The following OR10G3 variants were observed in gnomAD, a reference collection of about 807,000 sequenced individuals.
OR10G3 encodes olfactory receptor 10G3.
In OR10G3, 8 loss-of-function variants were observed where a neutral mutation model predicts 13.4. The ratio of observed to expected loss-of-function variants is 0.60; its 90% confidence interval spans 0.35 to 1.08. OR10G3 has a LOEUF of 1.08. OR10G3 is among the 50% of genes least tolerant of loss of function. The pLI, the probability that OR10G3 is intolerant of heterozygous loss-of-function variation, is 0.02. For synonymous variants in OR10G3, 142 were observed against 156.1 expected (o/e 0.91, Z 0.67); for missense variants, 393 against 386.6 (o/e 1.02, Z -0.14).
intron 1 of OR10G3, among the ~76,000 whole-genome samples, chr14:21,577,185 A>AAGAG (rs111838316): frequency 1.2e-4 from 17 of 146,744 alleles, no homozygotes; most frequent in African/African-American, 2.7e-4. Flanking sequence ...TCAAAAATAA[A>AAGAG]AGAGAGAGAG....
intron 1 of OR10G3, among the ~76,000 whole-genome samples, chr14:21,572,069 ATCACCTGAGG>A (rs1893075151): frequency 1.3e-5 from 2 of 150,730 alleles, no homozygotes; most frequent in South Asian, 4.2e-4. Flanking sequence ...AGGAGGGTGG[ATCACCTGAGG>A]TCAGGAGTTC....
intron 1 of OR10G3, among the ~76,000 whole-genome samples, chr14:21,575,123 C>T (rs1893113247): frequency 6.6e-6 from 1 of 152,118 alleles, no homozygotes; most frequent in African/African-American, 2.4e-5. Context: ...GCTCTGTCGC[C>T]CAGGCTGGAG....
At chr14:21,576,418 T>G (rs1423363464) in intron 1 of OR10G3, among the ~76,000 whole-genome samples, 1 of 152,178 alleles carries the variant, frequency 6.6e-6, no homozygotes, top group African/African-American at 2.4e-5. Context: ...TGAAGCACAC[T>G]TAAGTTAGGT....
At chr14:21,576,939 TC>T (rs1893134040) in intron 1 of OR10G3, among the ~76,000 whole-genome samples, 1 of 152,196 alleles carries the variant, frequency 6.6e-6, no homozygotes, top group African/African-American at 2.4e-5. Flanking sequence ...CCCAGTTACC[TC>T]TTTTTGTTTT....
intron 1 of OR10G3, among the ~76,000 whole-genome samples, chr14:21,577,274 C>T (rs1335138801): frequency 4.6e-5 from 7 of 152,026 alleles, no homozygotes; most frequent in East Asian, 3.9e-4. Context: ...AACATGGCAC[C>T]GATGAAACCT....
rs753049103 is a variant in OR10G3, at chr14:21,570,071, G to A, written c.674C>T (p.Ala225Val). ...ILLSYIQIIQAILRIHTADGR... is the reference protein window; with the variant it reads ...ILLSYIQIIQVILRIHTADGR... ...ATCAGCTGTGTGGATTCTCAGGATG[G>A]CCTGAATGATCTGTATGTAGGAGAG... is the stretch of plus-strand genomic sequence containing the variant. The change falls in exon 2 of 2, where the codon GCC becomes GTC. Residue 225 changes from alanine to valine, a missense_variant. Coordinates refer to ENST00000641040, the MANE Select transcript of OR10G3 (RefSeq NM_001005465.2). 6.2e-7 allele frequency: 1 copy of A among 1,614,222 alleles called. No homozygotes were observed. The highest frequency in any genetic ancestry group is 8.5e-7 in the Non-Finnish European group (1 of 1,180,038).
At chr14:21,574,459 C>T (rs1893106567) in intron 1 of OR10G3, among the ~76,000 whole-genome samples, 1 of 152,138 alleles carries the variant, frequency 6.6e-6, no homozygotes, top group Non-Finnish European at 1.5e-5. Context: ...GGGCAGCATT[C>T]TGCCTTGCTT....
In OR10G3 at chr14:21,568,577, A is replaced by G. The variant is rs1893025785; in HGVS notation, c.*1226T>C. The G allele has an allele frequency of 6.6e-6, 1 of 152,174 alleles. No individual in the cohort carries two copies. Among genetic ancestry groups the G allele is most frequent in the Non-Finnish European group, 1.5e-5 (1 of 68,038 alleles). 9.4% of individuals were successfully genotyped at this position (152,174 alleles called of 1,614,324 possible). On this transcript the variant is annotated 3_prime_UTR_variant, in exon 2 of 2. Coordinates refer to ENST00000641040, the MANE Select transcript of OR10G3 (RefSeq NM_001005465.2). ...TGGAGTACAGGTGGTTTTTGGTTAC[A>G]TGGATAAGTTCTTTAGTGGTGATTT...
intron 1 of OR10G3, among the ~76,000 whole-genome samples, chr14:21,575,981 A>G (rs1162081463): frequency 6.6e-6 from 1 of 152,202 alleles, no homozygotes; most frequent in Non-Finnish European, 1.5e-5. Flanking sequence ...GACTTCAGAA[A>G]GTACAGAGGC....
chr14:21,570,073 C>T lies in OR10G3; in HGVS notation c.672G>A (p.Gln224=). Residue 224 remains glutamine, a synonymous_variant, in exon 2 of 2, where the codon CAG becomes CAA. Coordinates refer to ENST00000641040, the MANE Select transcript of OR10G3 (RefSeq NM_001005465.2). ...LILLSYIQII[Q]AILRIHTADG... ...CAGCTGTGTGGATTCTCAGGATGGC[C>T]TGAATGATCTGTATGTAGGAGAGGA... 1 of 1,614,196 alleles carries T rather than the reference C, an allele frequency of 6.2e-7. No individual in the cohort carries two copies. Among genetic ancestry groups the T allele is most frequent in the Non-Finnish European group, 8.5e-7 (1 of 1,180,048 alleles).
intron 1 of OR10G3, among the ~76,000 whole-genome samples, chr14:21,574,479 G>A (rs1893106733): frequency 6.6e-6 from 1 of 152,148 alleles, no homozygotes; most frequent in Admixed American, 6.6e-5. Flanking sequence ...TGGGTCAGGG[G>A]ACTGTGGAGA....
At chr14:21,570,876 A>C (rs1893061824) in intron 1 of OR10G3, 115 bp from the exon 2 acceptor site, 6 of 621,150 alleles carry the variant, frequency 9.7e-6, no homozygotes, top group Non-Finnish European at 1.7e-5. Context: ...CTTACGTGGA[A>C]AGATGACAAG....
At chr14:21,571,230 CCACTGGCT>C (rs1893065148) in intron 1 of OR10G3, among the ~76,000 whole-genome samples, 1 of 152,196 alleles carries the variant, frequency 6.6e-6, no homozygotes, top group Admixed American at 6.5e-5. Flanking sequence ...CTTCCAGAGG[CCACTGGCT>C]CACTCTTATC....
Position 21,569,750 on chromosome 14 carries a change from A to G in OR10G3, c.*53T>C. 1 of 1,458,084 alleles carries G rather than the reference A, an allele frequency of 6.9e-7. No homozygotes were observed. Among genetic ancestry groups the G allele is most frequent in the East Asian group, 2.3e-5 (1 of 43,970 alleles). 90.3% of individuals were successfully genotyped at this position (1,458,084 alleles called of 1,614,324 possible). On this transcript the variant is annotated 3_prime_UTR_variant, in exon 2 of 2. Coordinates refer to ENST00000641040, the MANE Select transcript of OR10G3 (RefSeq NM_001005465.2). ...AAAGAAAAAAGTTACCGAAGCCTAA[A>G]CATTATAATAAATTCTAATTGTGGC...
At position 21,568,575 on chromosome 14, in the gene OR10G3, AC is replaced by A. The variant is rs1893025743; in HGVS notation, c.*1227del. 6.6e-6 allele frequency: 1 copy of A among 152,200 alleles called. No individual in the cohort carries two copies. Among genetic ancestry groups the A allele is most frequent in the African/African-American group, 2.4e-5 (1 of 41,438 alleles). 9.4% of individuals were successfully genotyped at this position (152,200 alleles called of 1,614,324 possible). On this transcript the variant is annotated 3_prime_UTR_variant, in exon 2 of 2. Transcript: ENST00000641040. ...TTTGGAGTACAGGTGGTTTTTGGTT[AC>A]ATGGATAAGTTCTTTAGTGGTGATT...
intron 1 of OR10G3, among the ~76,000 whole-genome samples, chr14:21,573,805 C>T (rs1268046444): frequency 6.6e-6 from 1 of 151,872 alleles, no homozygotes; most frequent in African/African-American, 2.4e-5. Context: ...AGTGTTCTTA[C>T]TACAAAAAAA....
At chr14:21,577,700 G>A (rs984967229) in intron 1 of OR10G3, among the ~76,000 whole-genome samples, 1 of 152,210 alleles carries the variant, frequency 6.6e-6, no homozygotes, top group Non-Finnish European at 1.5e-5. Context: ...CTATCACACT[G>A]AGTGTTTCTT....
Position 21,570,061 on chromosome 14 carries a change from T to C in OR10G3, c.684A>G (p.Arg228=), listed in dbSNP as rs1384005764. Residue 228 remains arginine, a synonymous_variant, in exon 2 of 2, where the codon AGA becomes AGG. Transcript: ENST00000641040. The stretch of plus-strand genomic sequence containing the variant: ...GGCGCCGCCCATCAGCTGTGTGGAT[T>C]CTCAGGATGGCCTGAATGATCTGTA... ...SYIQIIQAIL[R]IHTADGRRRA... The C allele has an allele frequency of 1.9e-6, 3 of 1,614,050 alleles. No individual in the cohort carries two copies. The highest frequency in any genetic ancestry group is 2.5e-6 in the Non-Finnish European group (3 of 1,180,032).
chr14:21,570,055 G>A lies in OR10G3; in HGVS notation c.690C>T (p.His230=), dbSNP rs1267128651. Residue 230 remains histidine (H), a synonymous_variant, in exon 2 of 2, where the codon CAC becomes CAT. Coordinates refer to ENST00000641040, the MANE Select transcript of OR10G3 (RefSeq NM_001005465.2). ...AAGCCCGGCGCCGCCCATCAGCTGT[G>A]TGGATTCTCAGGATGGCCTGAATGA... The part of the protein sequence containing the change: ...IQIIQAILRI[H]TADGRRRAFS... The A allele has an allele frequency of 6.2e-7, 1 of 1,614,256 alleles. No homozygotes were observed. Among genetic ancestry groups the A allele is most frequent in the Admixed American group, 1.7e-5 (1 of 60,032 alleles).
Sources: allele counts gnomAD v4.1 joint callset (sites outside exome capture counted in the v4.1 genomes callset), GRCh38; gene constraint gnomAD v4.1.1; transcripts MANE v1.5; gene names NCBI Gene and HGNC (gene_info 2026-07-23, HGNC 2026-07-21).